Variants in WDR43 observed in about 807,000 individuals in gnomAD.
The protein encoded by WDR43 is WD repeat domain 43, also known as WD repeat-containing protein 43.
In WDR43, 13 loss-of-function variants were observed where a neutral mutation model predicts 91.4. The ratio of observed to expected loss-of-function variants is 0.14; its 90% CI spans 0.09 to 0.23. The LOEUF (loss-of-function observed/expected upper bound fraction) is 0.23, where lower values mean the gene tolerates loss of function less well. WDR43 is among the 10% of genes least tolerant of loss of function. The pLI, the probability that WDR43 is intolerant of heterozygous loss-of-function variation, is 1.00. For missense variants in WDR43, 780 were observed against 809.4 expected (o/e 0.96, Z 0.44); for synonymous variants, 331 against 287.9 (o/e 1.15, Z -1.51).
chr2:28,940,999 T>C (rs1034545048), intron 14 of WDR43, among the ~76,000 whole-genome samples: 5 of 152,194 alleles, frequency 3.3e-5, no homozygotes, highest in Non-Finnish European at 5.9e-5. Flanking sequence ...TTTGTTCTAC[T>C]GGTCTCTGGG....
At chr2:28,932,572 T>C (rs1452068469) in intron 11 of WDR43, among the ~76,000 whole-genome samples, 2 of 152,198 alleles carry the variant, frequency 1.3e-5, no homozygotes, top group Non-Finnish European at 2.9e-5. Context: ...GTTAGTAACA[T>C]TTTTCTTTCT....
intron 16 of WDR43, among the ~76,000 whole-genome samples, chr2:28,942,593 G>C (rs926497036): frequency 6.6e-6 from 1 of 150,376 alleles, no homozygotes; most frequent in African/African-American, 2.4e-5. Context: ...AAGGGCATTA[G>C]TTATGGAAGA....
At chr2:28,918,992 A>C (rs1040476209) in intron 6 of WDR43, among the ~76,000 whole-genome samples, 6 of 152,206 alleles carry the variant, frequency 3.9e-5, no homozygotes, top group African/African-American at 1.2e-4. Flanking sequence ...TTGGTTTAAA[A>C]CAAAAAAAAT....
chr2:28,895,126 T>A (rs1670452185), intron 1 of WDR43: 3 of 424,324 alleles, frequency 7.1e-6, no homozygotes. Flanking sequence ...AGGGCGCAGC[T>A]CGACCCGGCC....
chr2:28,942,619 C>CTTT (rs11379144), intron 16 of WDR43, among the ~76,000 whole-genome samples: 9 of 139,532 alleles, frequency 6.5e-5, no homozygotes, highest in African/African-American at 1.3e-4. Context: ...TTTTTCTTTT[C>CTTT]TTTTTTTTTT....
At chr2:28,936,577 T>C (rs1245343838) in intron 12 of WDR43, among the ~76,000 whole-genome samples, 1 of 152,214 alleles carries the variant, frequency 6.6e-6, no homozygotes, top group Non-Finnish European at 1.5e-5. Context: ...TTTAGTGTTT[T>C]TCAGTATGTT....
At chr2:28,901,276 T>C (rs929128670) in intron 1 of WDR43, among the ~76,000 whole-genome samples, 1 of 152,238 alleles carries the variant, frequency 6.6e-6, no homozygotes, top group Non-Finnish European at 1.5e-5. Flanking sequence ...AGGGTCATTG[T>C]CTTTTTGTTG....
At chr2:28,912,788 T>C (rs998747252) in intron 4 of WDR43, 78 bp downstream of exon 4, 11 of 1,540,234 alleles carry the variant, frequency 7.1e-6, no homozygotes, top group Non-Finnish European at 9.6e-6. Flanking sequence ...AACCATAAGA[T>C]ATTATTTTAA....
At chr2:28,905,702 G>A (rs1670666517) in intron 2 of WDR43, among the ~76,000 whole-genome samples, 3 of 109,340 alleles carry the variant, frequency 2.7e-5, no homozygotes. Flanking sequence ...TTTCACTGTT[G>A]TTGCCCAGGC....
rs200279512 is a variant in WDR43 at position 28,927,717 on chromosome 2, G to T, written c.1305+17G>T. 3.7e-6 allele frequency: 6 copies of T among 1,613,272 alleles called. No individual in the cohort carries two copies. In the African/African-American group the frequency reaches 5.3e-5, roughly 14 times the overall value. On this transcript the variant is annotated intron_variant, in intron 10 of 17. Coordinates refer to ENST00000407426, the MANE Select transcript of WDR43 (RefSeq NM_015131.3). Reference sequence around the variant, plus strand: ...GGAAATGAGGTAATGCAACTGCTTTGACCATATATTTGAGTTTGTGATTTA... The same window carrying T: ...GGAAATGAGGTAATGCAACTGCTTTTACCATATATTTGAGTTTGTGATTTA...
chr2:28,917,109 A>G (rs1419906527), intron 5 of WDR43, among the ~76,000 whole-genome samples: 4 of 152,202 alleles, frequency 2.6e-5, no homozygotes, highest in Non-Finnish European at 5.9e-5. Flanking sequence ...AATGCAAAAA[A>G]CATGGTGCTA....
At position 28,907,344 on chromosome 2, in the gene WDR43, C is replaced by T. The variant is rs1670700132; in HGVS notation, c.485+763C>T. On this transcript the variant is annotated intron_variant, in intron 3 of 17. Coordinates refer to ENST00000407426, the MANE Select transcript of WDR43 (RefSeq NM_015131.3). ...TGGTATGCAAGAGAGAGCCATTGGCCAAGTGCAGTGGCTCATGCCTGTAAT... is the reference window on the plus strand; with the variant it reads ...TGGTATGCAAGAGAGAGCCATTGGCTAAGTGCAGTGGCTCATGCCTGTAAT... Among the ~76,000 whole-genome samples, 3 of 150,356 alleles carry T rather than the reference C, an allele frequency of 2.0e-5. No homozygotes were observed. In the South Asian group the frequency reaches 6.3e-4, roughly 31 times the overall value.
At chr2:28,933,411 A>G (rs1671284330) in intron 11 of WDR43, among the ~76,000 whole-genome samples, 1 of 152,210 alleles carries the variant, frequency 6.6e-6, no homozygotes, top group Non-Finnish European at 1.5e-5. Context: ...TTGACTGTAA[A>G]ACCTAAAACT....
intron 16 of WDR43, 49 bp from the exon 17 acceptor site, chr2:28,946,401 C>G: frequency 6.4e-7 from 1 of 1,559,466 alleles, no homozygotes; most frequent in South Asian, 1.2e-5. Flanking sequence ...CCAGGCTGTA[C>G]CCTCTGTTTT....
chr2:28,918,635 C>T (rs1249794436), intron 6 of WDR43, among the ~76,000 whole-genome samples: 1 of 152,162 alleles, frequency 6.6e-6, no homozygotes, highest in Non-Finnish European at 1.5e-5. Context: ...TCCCAAAGTG[C>T]TGGGATTACA....
At chr2:28,915,278 T>A (rs1388968419) in intron 5 of WDR43, among the ~76,000 whole-genome samples, 1 of 152,144 alleles carries the variant, frequency 6.6e-6, no homozygotes, top group African/African-American at 2.4e-5. Context: ...ACGGATTTGG[T>A]TTTGTTTCGT....
intron 1 of WDR43, among the ~76,000 whole-genome samples, chr2:28,898,054 A>G (rs1297344787): frequency 9.9e-5 from 15 of 152,248 alleles, no homozygotes; most frequent in Non-Finnish European, 1.9e-4. Flanking sequence ...ATTCTCTACC[A>G]AAGCCACATA....
intron 11 of WDR43, among the ~76,000 whole-genome samples, chr2:28,935,187 T>G (rs992453256): frequency 1.4e-4 from 22 of 152,196 alleles, no homozygotes; most frequent in African/African-American, 5.3e-4. Flanking sequence ...AGCCCAAATT[T>G]CATAAAATGG....
At chr2:28,902,808 A>G (rs1359232853) in intron 2 of WDR43, among the ~76,000 whole-genome samples, 11 of 152,356 alleles carry the variant, frequency 7.2e-5, no homozygotes, top group Middle Eastern at 3.4e-3. Flanking sequence ...TCCCAGCATC[A>G]CAGCAGAATA....
Sources: gnomAD v4.1 joint callset for allele counts (sites outside exome capture counted in the v4.1 genomes callset) on GRCh38, gnomAD v4.1.1 for gene constraint, MANE v1.5 for transcripts, NCBI Gene and HGNC (gene_info 2026-07-23, HGNC 2026-07-21) for gene names.